The following MRLN variants were observed in gnomAD, a reference collection of about 807,000 sequenced individuals.
MRLN encodes the protein myoregulin, also known as Linc-RNA activator of myogenesis.
At chr10:59,743,553 G>C (rs1218569188) in intron 1 of MRLN, among the ~76,000 whole-genome samples, 3 of 152,108 alleles carry the variant, frequency 2.0e-5, no homozygotes, top group Admixed American at 1.3e-4. Flanking sequence ...ATAATTGGAA[G>C]GACACAAATT....
chr10:59,741,040 C>T (rs985561346), intron 1 of MRLN, among the ~76,000 whole-genome samples: 1 of 152,150 alleles, frequency 6.6e-6, no homozygotes, highest in Admixed American at 6.5e-5. Flanking sequence ...TGAGGTGATC[C>T]GTCTGCTTCA....
chr10:59,738,070 A>T (rs1459443243), intron 2 of MRLN: 2 of 152,216 alleles, frequency 1.3e-5, no homozygotes, highest in African/African-American at 4.8e-5. Context: ...AGGGGAAAGA[A>T]ATGAGTACTC....
intron 1 of MRLN, among the ~76,000 whole-genome samples, chr10:59,747,496 G>C (rs555832811): frequency 5.3e-5 from 8 of 152,218 alleles, no homozygotes; most frequent in Non-Finnish European, 1.0e-4. Flanking sequence ...ATTAATTACA[G>C]TTTAGCATAT....
At chr10:59,742,822 G>A (rs1429325052) in intron 1 of MRLN, among the ~76,000 whole-genome samples, 2 of 151,914 alleles carry the variant, frequency 1.3e-5, no homozygotes, top group Non-Finnish European at 2.9e-5. Flanking sequence ...TTGAACTCCT[G>A]GACTCAAGCA....
chr10:59,749,284 A>C (rs565730969), intron 1 of MRLN, among the ~76,000 whole-genome samples: 25 of 152,382 alleles, frequency 1.6e-4, no homozygotes, highest in Non-Finnish European at 2.6e-4. Flanking sequence ...AGAGAGGTTA[A>C]GATAGCTGTC....
intron 1 of MRLN, among the ~76,000 whole-genome samples, chr10:59,748,493 T>G (rs184980823): frequency 6.6e-6 from 1 of 152,244 alleles, no homozygotes; most frequent in East Asian, 1.9e-4. Context: ...TATGGCTGTA[T>G]GTTTAAATGA....
chr10:59,745,049 A>G (rs1430482969), intron 1 of MRLN, among the ~76,000 whole-genome samples: 1 of 151,972 alleles, frequency 6.6e-6, no homozygotes, highest in Non-Finnish European at 1.5e-5. Context: ...TCCCTCCACT[A>G]TTGTCCTATG....
intron 1 of MRLN, among the ~76,000 whole-genome samples, chr10:59,752,923 C>G (rs1372002383): frequency 2.6e-5 from 4 of 152,136 alleles, no homozygotes; most frequent in Admixed American, 2.6e-4. Context: ...GGTCTCTTGT[C>G]CAACTACTCC....
At chr10:59,751,441 A>C (rs1397672683) in intron 1 of MRLN, among the ~76,000 whole-genome samples, 1 of 151,992 alleles carries the variant, frequency 6.6e-6, no homozygotes, top group African/African-American at 2.4e-5. Context: ...GCGGTGGTTC[A>C]CTTGAGCCCA....
At chr10:59,743,922 T>C (rs182091152) in intron 1 of MRLN, among the ~76,000 whole-genome samples, 23 of 152,308 alleles carry the variant, frequency 1.5e-4, no homozygotes, top group African/African-American at 4.8e-4. Context: ...AGCCTCCGCC[T>C]CTCAGGTGCC....
chr10:59,747,198 A>G (rs1351068180), intron 1 of MRLN, among the ~76,000 whole-genome samples: 1 of 152,194 alleles, frequency 6.6e-6, no homozygotes, highest in East Asian at 1.9e-4. Flanking sequence ...CCTTATGGCT[A>G]ACAAGTTTCT....
chr10:59,741,745 T>A (rs1200262042), intron 1 of MRLN, among the ~76,000 whole-genome samples: 1 of 152,208 alleles, frequency 6.6e-6, no homozygotes, highest in Admixed American at 6.5e-5. Context: ...AGTGGTGTGA[T>A]CATAGCTCAC....
At chr10:59,752,193 A>T (rs2070164856) in intron 1 of MRLN, among the ~76,000 whole-genome samples, 1 of 152,242 alleles carries the variant, frequency 6.6e-6, no homozygotes, top group African/African-American at 2.4e-5. Flanking sequence ...TACTAAAAGT[A>T]GTAGAAGTCA....
chr10:59,737,591 C>G (rs1840937721), intron 2 of MRLN, among the ~76,000 whole-genome samples: 1 of 140,788 alleles, frequency 7.1e-6, no homozygotes, highest in African/African-American at 2.7e-5. Context: ...CTAACTTGTA[C>G]TATTGGTGTT....
intron 1 of MRLN, among the ~76,000 whole-genome samples, chr10:59,750,897 AG>A (rs1381684902): frequency 6.6e-6 from 1 of 151,274 alleles, no homozygotes; most frequent in African/African-American, 2.5e-5. Context: ...AAATGGGACT[AG>A]GGGGGCTTGT....
intron 1 of MRLN, chr10:59,739,189 C>A (rs7896470): frequency 0.13 from 20,068 of 151,864 alleles, 1,498 homozygotes; most frequent in East Asian, 0.33. Context: ...GCTTTAATAT[C>A]TTCATGACAA....
At chr10:59,741,990 C>T (rs1450892142) in intron 1 of MRLN, among the ~76,000 whole-genome samples, 4 of 152,152 alleles carry the variant, frequency 2.6e-5, no homozygotes, top group Admixed American at 6.5e-5. Context: ...TCCTCCCCTC[C>T]TCAGTTTCCC....
chr10:59,741,349 A>AT (rs765326875), intron 1 of MRLN, among the ~76,000 whole-genome samples: 1 of 151,540 alleles, frequency 6.6e-6, no homozygotes, highest in Non-Finnish European at 1.5e-5. Flanking sequence ...TTTACTGTAC[A>AT]TTTTTTATTT....
intron 1 of MRLN, among the ~76,000 whole-genome samples, chr10:59,744,476 C>A (rs542380948): frequency 5.3e-5 from 8 of 151,322 alleles, no homozygotes; most frequent in Non-Finnish European, 1.2e-4. Flanking sequence ...CCAGCCGCCC[C>A]GTCCGGGAGG....
Sources: allele counts gnomAD v4.1 joint callset (sites outside exome capture counted in the v4.1 genomes callset), GRCh38; gene constraint gnomAD v4.1.1; transcripts MANE v1.5; gene names NCBI Gene and HGNC (gene_info 2026-07-23, HGNC 2026-07-21).